Variants in IQGAP2 observed in about 807,000 individuals in gnomAD.
The protein encoded by IQGAP2 is ras GTPase-activating-like protein IQGAP2.
Under a neutral mutation model 201.3 loss-of-function variants are expected in IQGAP2, and 173 were observed. The observed-to-expected ratio is 0.86, with a 90% CI of 0.76 to 0.98. The LOEUF is 0.98. Among genes scored for constraint, IQGAP2 ranks in the 50% least tolerant of loss-of-function variants. The probability of loss-of-function intolerance (pLI) is 0.00; values close to 1 mark genes in which losing one functional copy is unlikely to be tolerated. For missense variants in IQGAP2, 1,687 were observed against 1,864.8 expected, an observed-to-expected ratio of 0.90 and a Z score of 1.76; for synonymous variants, 675 against 673.9, an observed-to-expected ratio of 1.00 and a Z score of -0.03.
At position 76,707,351 on chromosome 5, in the gene IQGAP2, G is replaced by C. The variant is rs1747998780; in HGVS notation, c.*38G>C. 3 of 873,220 alleles carry C rather than the reference G, an allele frequency of 3.4e-6. No homozygotes were observed. The highest frequency in any genetic ancestry group is 2.8e-5 in the South Asian group (2 of 71,584). 54.1% of individuals were successfully genotyped at this position (873,220 alleles called of 1,614,324 possible). On this transcript the variant is annotated 3_prime_UTR_variant, in exon 36 of 36. Coordinates refer to ENST00000274364, the MANE Select transcript of IQGAP2 (RefSeq NM_006633.5). ...AATTTCTTGGATTCTGTATCATCTG[G>C]ATTAGGAAATGAATTTGTTTAATAT... is the stretch of plus-strand genomic sequence containing the variant.
chr5:76,440,484 A>G (rs1255622698), intron 1 of IQGAP2, among the ~76,000 whole-genome samples: 1 of 152,230 alleles, frequency 6.6e-6, no homozygotes, highest in African/African-American at 2.4e-5. Context: ...ATGGCTGCCA[A>G]GTTGAAATGA....
At chr5:76,497,610 C>T (rs748410771) in intron 2 of IQGAP2, among the ~76,000 whole-genome samples, 18 of 152,174 alleles carry the variant, frequency 1.2e-4, no homozygotes, top group Non-Finnish European at 2.5e-4. Context: ...TTTGGCACTT[C>T]GTATTCTCTA....
chr5:76,634,364 CA>C (rs1413821297), intron 15 of IQGAP2, among the ~76,000 whole-genome samples: 1 of 152,000 alleles, frequency 6.6e-6, no homozygotes, highest in Non-Finnish European at 1.5e-5. Flanking sequence ...TGGGTTCAAG[CA>C]ATTCTGCCTC....
At chr5:76,593,237 A>G (rs558277965) in intron 9 of IQGAP2, among the ~76,000 whole-genome samples, 4 of 152,218 alleles carry the variant, frequency 2.6e-5, no homozygotes, top group Non-Finnish European at 5.9e-5. Context: ...GTAAAAGATT[A>G]TAATTTACAG....
chr5:76,466,428 C>T (rs1364467749), intron 2 of IQGAP2, among the ~76,000 whole-genome samples: 2 of 152,168 alleles, frequency 1.3e-5, no homozygotes, highest in Non-Finnish European at 2.9e-5. Flanking sequence ...TTGGAGGACT[C>T]ATTTTTCAAT....
chr5:76,554,212 G>T (rs995647037), intron 2 of IQGAP2, among the ~76,000 whole-genome samples: 20 of 151,942 alleles, frequency 1.3e-4, no homozygotes, highest in African/African-American at 4.6e-4. Context: ...GTTCAAAATG[G>T]ATCAAAGACC....
In IQGAP2 at chr5:76,677,239, T is replaced by C. The variant is rs1744899924; in HGVS notation, c.3549T>C (p.Cys1183=). The C allele has an allele frequency of 6.2e-7, 1 of 1,613,382 alleles. No individual in the cohort carries two copies. The highest frequency in any genetic ancestry group is 8.5e-7 in the Non-Finnish European group (1 of 1,179,616). ...QEFRKYFKEA[C]NVPEPEEKFN... ...TTAGGAAATATTTCAAAGAAGCATGTAATGTCCCTGAGCCAGAAGAGAAGT... is the reference window on the plus strand; with the variant it reads ...TTAGGAAATATTTCAAAGAAGCATGCAATGTCCCTGAGCCAGAAGAGAAGT... The change falls in exon 28 of 36, where the codon TGT becomes TGC. Residue 1183 remains cysteine, a synonymous_variant. Coordinates refer to ENST00000274364, the MANE Select transcript of IQGAP2 (RefSeq NM_006633.5).
At chr5:76,575,223 AAT>A (rs1491521336) in intron 4 of IQGAP2, among the ~76,000 whole-genome samples, 1 of 136,172 alleles carries the variant, frequency 7.3e-6, no homozygotes, top group Non-Finnish European at 1.6e-5. Flanking sequence ...AGATTTTTTA[AAT>A]GTGTGTGTGT....
rs559674055 is a variant in IQGAP2 at position 76,482,652 on chromosome 5, T to C, written c.146+20983T>C. ...ACCCAGGCAAACACTGTCCAAATTT[T>C]ATCCACAGGAAAATCAAGGCTCAGT... On this transcript the variant is annotated intron_variant, in intron 2 of 35. Transcript: ENST00000274364. Among the ~76,000 whole-genome samples, 7 of 152,342 alleles carry C rather than the reference T, an allele frequency of 4.6e-5. No homozygotes were observed. In the East Asian group the frequency reaches 1.3e-3, roughly 29 times the overall value.
chr5:76,582,417 A>G (rs1745931843), intron 5 of IQGAP2, among the ~76,000 whole-genome samples: 2 of 152,346 alleles, frequency 1.3e-5, no homozygotes, highest in South Asian at 2.1e-4. Flanking sequence ...AGCTTGGGTT[A>G]CGTGACTTGC....
Position 76,634,813 on chromosome 5 carries a change from G to A in IQGAP2, c.1781-2221G>A, listed in dbSNP as rs145490959. Among the ~76,000 whole-genome samples the A allele has an allele frequency of 4.2e-3, 641 of 152,230 alleles. 5 individuals are homozygous for A. The highest frequency in any genetic ancestry group is 0.015 in the African/African-American group (605 of 41,542). ...CTCAGTTTAACGCTTCTATATGTTCGCGTATAATTTTGTCTGCAAGGCATC... is the reference window on the plus strand; with the variant it reads ...CTCAGTTTAACGCTTCTATATGTTCACGTATAATTTTGTCTGCAAGGCATC... On this transcript the variant is annotated intron_variant, in intron 15 of 35. Transcript: ENST00000274364.
intron 2 of IQGAP2, among the ~76,000 whole-genome samples, chr5:76,473,642 T>C (rs1755249986): frequency 6.6e-6 from 1 of 152,206 alleles, no homozygotes; most frequent in Non-Finnish European, 1.5e-5. Context: ...TGCCTTAAAG[T>C]ATTATTAAGA....
At chr5:76,663,722 G>A (rs1249029397) in intron 21 of IQGAP2, among the ~76,000 whole-genome samples, 1 of 143,716 alleles carries the variant, frequency 7.0e-6, no homozygotes, top group African/African-American at 2.6e-5. Context: ...TTGTAGAGAT[G>A]GGGTCTTGCT....
intron 4 of IQGAP2, among the ~76,000 whole-genome samples, chr5:76,572,677 A>G (rs1281233674): frequency 6.6e-6 from 1 of 151,914 alleles, no homozygotes; most frequent in African/African-American, 2.4e-5. Context: ...ACTTCAGGAA[A>G]TCTGCCCGTC....
chr5:76,585,919 A>C (rs948132560), intron 5 of IQGAP2, among the ~76,000 whole-genome samples: 1 of 152,178 alleles, frequency 6.6e-6, no homozygotes, highest in Non-Finnish European at 1.5e-5. Flanking sequence ...CGTTCCCATT[A>C]CTAGAAAGGA....
intron 2 of IQGAP2, among the ~76,000 whole-genome samples, chr5:76,496,700 G>A (rs1004901391): frequency 7.1e-5 from 5 of 70,550 alleles, no homozygotes; most frequent in African/African-American, 2.0e-4. Flanking sequence ...CTTTCTTTCT[G>A]TCTCTTTCTT....
At chr5:76,453,939 T>A (rs915346655) in intron 1 of IQGAP2, among the ~76,000 whole-genome samples, 7 of 152,210 alleles carry the variant, frequency 4.6e-5, no homozygotes, top group Admixed American at 1.3e-4. Flanking sequence ...GGAGTTAAAT[T>A]TTTTAAATTG....
rs149655869 is a variant in IQGAP2 at position 76,593,128 on chromosome 5, C to T, written c.907+203C>T. 2.8e-3 allele frequency among the ~76,000 whole-genome samples: 428 copies of T among 152,300 alleles called. 4 individuals are homozygous for T. Among genetic ancestry groups the T allele is most frequent in the African/African-American group, 9.9e-3 (411 of 41,556 alleles). On this transcript the variant is annotated intron_variant, in intron 9 of 35. Coordinates refer to ENST00000274364, the MANE Select transcript of IQGAP2 (RefSeq NM_006633.5). ...GGCTTTTTTTGGTGATCTCAGTCCA[C>T]ACAAAGTATCCTGAAGCTAGTTTGA...
At chr5:76,629,123 ATTTTG>A (rs1201591109) in intron 14 of IQGAP2, among the ~76,000 whole-genome samples, 2 of 152,140 alleles carry the variant, frequency 1.3e-5, no homozygotes, top group African/African-American at 4.8e-5. Flanking sequence ...CAAATGTATA[ATTTTG>A]TACTCTGTAT....
Sources: gnomAD v4.1 joint callset for allele counts (sites outside exome capture counted in the v4.1 genomes callset) on GRCh38, gnomAD v4.1.1 for gene constraint, MANE v1.5 for transcripts, NCBI Gene and HGNC (gene_info 2026-07-23, HGNC 2026-07-21) for gene names.